The following SGIP1 variants were observed in gnomAD, a reference collection of about 807,000 sequenced individuals.
SGIP1 encodes SH3GL interacting endocytic adaptor 1, also known as SH3-containing GRB2-like protein 3-interacting protein 1.
A neutral mutation model predicts 107.5 loss-of-function variants in SGIP1; 38 were observed. The observed-to-expected ratio is 0.35, with a 90% CI of 0.27 to 0.46. SGIP1 has a LOEUF of 0.46. Ranked by LOEUF, SGIP1 falls within the 20% of genes least tolerant of loss-of-function variation. The probability of loss-of-function intolerance (pLI) is 1.00; values close to 1 mark genes in which losing one functional copy is unlikely to be tolerated. For synonymous variants in SGIP1, 365 were observed against 366.1 expected (o/e 1.00, Z 0.03); for missense variants, 929 against 1,019.5 (o/e 0.91, Z 1.21).
chr1:66,564,824 A>T (rs1016216321), intron 1 of SGIP1, among the ~76,000 whole-genome samples: 3 of 151,946 alleles, frequency 2.0e-5, no homozygotes, highest in African/African-American at 7.2e-5. Context: ...AGGAATTTAC[A>T]GGGAAATGAG....
rs143237132 is a variant in SGIP1, at chr1:66,699,842, T to C, written c.1630+4349T>C. On this transcript the variant is annotated intron_variant, in intron 18 of 24. Transcript: ENST00000371037. ...ATTGTAATGAGTTCTATAGGAAAAA[T>C]AAAATAGGAAAGGAGAATGGAGCAT... Among the ~76,000 whole-genome samples, 631 of 151,912 alleles carry C rather than the reference T, an allele frequency of 4.2e-3. 3 individuals carry two copies. Among genetic ancestry groups the C allele is most frequent in the African/African-American group, 0.014 (586 of 41,414 alleles).
At position 66,626,137 on chromosome 1, in the gene SGIP1, C is replaced by CTTT. The variant is rs35959436; in HGVS notation, c.74+247_74+249dup. ...GTTTTTATCACATTTTTCTTTCTTT[C>CTTT]TTTTTTTTTTTTTTTTTTTTTTGAT... On this transcript the variant is annotated intron_variant, in intron 2 of 24. Coordinates refer to ENST00000371037, the MANE Select transcript of SGIP1 (RefSeq NM_032291.4). 978 of 122,902 alleles carry CTTT rather than the reference C, an allele frequency of 8.0e-3. 1 individual carries two copies. The highest frequency in any genetic ancestry group is 0.018 in the African/African-American group (482 of 26,436). The allele number at this position is 122,902 out of a possible 1,614,324, so 7.6% of individuals were successfully genotyped here.
intron 8 of SGIP1, among the ~76,000 whole-genome samples, chr1:66,661,147 T>C (rs143871897): frequency 6.6e-6 from 1 of 152,332 alleles, no homozygotes; most frequent in African/African-American, 2.4e-5. Context: ...CATCGTTTTA[T>C]TTTAGAGCAA....
intron 14 of SGIP1, among the ~76,000 whole-genome samples, 161 bp from the exon 15 acceptor site, chr1:66,681,708 C>T (rs1313958406): frequency 1.3e-5 from 2 of 152,200 alleles, no homozygotes; most frequent in Admixed American, 6.5e-5. Flanking sequence ...TCTCTCCCCT[C>T]ACCTTAGGCT....
chr1:66,551,387 T>C (rs929351480), intron 1 of SGIP1, among the ~76,000 whole-genome samples: 12 of 152,180 alleles, frequency 7.9e-5, no homozygotes, highest in Non-Finnish European at 1.2e-4. Context: ...CTTTCAGTTG[T>C]AATAAAATTT....
intron 1 of SGIP1, among the ~76,000 whole-genome samples, chr1:66,594,647 G>C (rs568810098): frequency 6.6e-6 from 1 of 152,188 alleles, no homozygotes; most frequent in South Asian, 2.1e-4. Context: ...ATAAAGATTT[G>C]AATATAAAAT....
At chr1:66,595,406 G>A (rs1289209143) in intron 1 of SGIP1, among the ~76,000 whole-genome samples, 1 of 152,152 alleles carries the variant, frequency 6.6e-6, no homozygotes, top group East Asian at 1.9e-4. Flanking sequence ...TTTGTGATCC[G>A]GGGAATAGGC....
chr1:66,658,328 T>C (rs984258741), intron 7 of SGIP1, among the ~76,000 whole-genome samples: 4 of 152,232 alleles, frequency 2.6e-5, no homozygotes, highest in Non-Finnish European at 4.4e-5. Flanking sequence ...TCTACACTAA[T>C]GTTGTACAAA....
rs533698959 is a variant in SGIP1 at position 66,584,341 on chromosome 1, A to G, written c.11-41506A>G. ...CTCCAATACCTAGATAAATAAATTT[A>G]TGTTCCTCAAAGAGAAGCAAATCTC... On this transcript the variant is annotated intron_variant, in intron 1 of 24. Transcript: ENST00000371037. Among the ~76,000 whole-genome samples, 7 of 152,302 alleles carry G rather than the reference A, an allele frequency of 4.6e-5. No individual in the cohort carries two copies. In the South Asian group the frequency reaches 1.5e-3, roughly 32 times the overall value.
chr1:66,564,310 C>T (rs1383136958), intron 1 of SGIP1, among the ~76,000 whole-genome samples: 1 of 151,874 alleles, frequency 6.6e-6, no homozygotes, highest in African/African-American at 2.4e-5. Flanking sequence ...ATTGACTCTT[C>T]TATAATTCAC....
chr1:66,583,427 C>T (rs558408212), intron 1 of SGIP1, among the ~76,000 whole-genome samples: 14 of 152,220 alleles, frequency 9.2e-5, no homozygotes, highest in South Asian at 4.1e-4. Flanking sequence ...TTTGCTCTTA[C>T]GCACTTTCGT....
chr1:66,698,538 C>T (rs577919891), intron 18 of SGIP1, among the ~76,000 whole-genome samples: 1 of 152,146 alleles, frequency 6.6e-6, no homozygotes, highest in African/African-American at 2.4e-5. Flanking sequence ...GCCACCACGC[C>T]CGGCTAATTT....
At chr1:66,667,886 A>G (rs1365273123) in intron 9 of SGIP1, among the ~76,000 whole-genome samples, 2 of 152,194 alleles carry the variant, frequency 1.3e-5, no homozygotes, top group African/African-American at 2.4e-5. Context: ...AGTTGATAGC[A>G]AAGAGATAAT....
intron 1 of SGIP1, among the ~76,000 whole-genome samples, chr1:66,619,812 G>A (rs2070472150): frequency 6.6e-6 from 1 of 152,172 alleles, no homozygotes; most frequent in African/African-American, 2.4e-5. Flanking sequence ...TCAGCTCCAG[G>A]AGTGTGACCT....
At chr1:66,638,919 T>C (rs1443927305) in intron 4 of SGIP1, among the ~76,000 whole-genome samples, 1 of 152,200 alleles carries the variant, frequency 6.6e-6, no homozygotes, top group African/African-American at 2.4e-5. Context: ...GTGCTAAATA[T>C]AAGAATGTTG....
At chr1:66,633,120 C>G (rs1294523039) in intron 3 of SGIP1, 26 bp downstream of exon 3, 2 of 1,487,318 alleles carry the variant, frequency 1.3e-6, no homozygotes. Flanking sequence ...ACCATTTTTA[C>G]TGAGTTTGTG....
intron 1 of SGIP1, among the ~76,000 whole-genome samples, chr1:66,603,660 G>C (rs532115239): frequency 6.6e-6 from 1 of 152,098 alleles, no homozygotes; most frequent in African/African-American, 2.4e-5. Flanking sequence ...AGGGTAGAAA[G>C]CCTAATTTTT....
At chr1:66,535,165 T>C (rs556801797) in intron 1 of SGIP1, among the ~76,000 whole-genome samples, 53 of 152,250 alleles carry the variant, frequency 3.5e-4, no homozygotes, top group African/African-American at 1.0e-3. Context: ...AAATTACCCT[T>C]CCCAGTCTGA....
intron 15 of SGIP1, among the ~76,000 whole-genome samples, chr1:66,687,642 A>G (rs1271169800): frequency 6.6e-6 from 1 of 152,238 alleles, no homozygotes; most frequent in Non-Finnish European, 1.5e-5. Context: ...TTTGAGCTAT[A>G]TGACCTGAGA....
Sources: gnomAD v4.1 joint callset for allele counts (sites outside exome capture counted in the v4.1 genomes callset) on GRCh38, gnomAD v4.1.1 for gene constraint, MANE v1.5 for transcripts, NCBI Gene and HGNC (gene_info 2026-07-23, HGNC 2026-07-21) for gene names.